Variants in FKBP9 observed in about 807,000 individuals in gnomAD.
FKBP9 encodes peptidyl-prolyl cis-trans isomerase FKBP9.
In FKBP9, 27 loss-of-function variants were observed where a neutral mutation model predicts 55.6. The ratio of observed to expected loss-of-function variants is 0.49; its 90% confidence interval spans 0.36 to 0.67. The LOEUF (loss-of-function observed/expected upper bound fraction) is 0.67. Among genes scored for constraint, FKBP9 ranks in the 30% least tolerant of loss-of-function variants. FKBP9 has a pLI of 0.00. For synonymous variants in FKBP9, 267 were observed against 296.5 expected (o/e 0.90, Z 1.02); for missense variants, 539 against 742.8 (o/e 0.73, Z 3.19).
intron 5 of FKBP9, among the ~76,000 whole-genome samples, chr7:32,983,556 C>G (rs1784524157): frequency 2.0e-5 from 3 of 152,088 alleles, no homozygotes; most frequent in African/African-American, 7.2e-5. Context: ...CTCAAGTCAT[C>G]TGCCCGCCTC....
chr7:32,993,919 G>A (rs570452035), intron 6 of FKBP9, among the ~76,000 whole-genome samples: 3 of 151,932 alleles, frequency 2.0e-5, no homozygotes, highest in Admixed American at 6.6e-5. Context: ...TGATCAGTTC[G>A]TCTGGTGATG....
intron 6 of FKBP9, among the ~76,000 whole-genome samples, chr7:32,991,205 C>T (rs1001187794): frequency 6.6e-6 from 1 of 151,952 alleles, no homozygotes; most frequent in Non-Finnish European, 1.5e-5. Flanking sequence ...TTTTTTTCCT[C>T]TTGGCTTTCT....
At chr7:32,970,060 A>G (rs1784223464) in intron 1 of FKBP9, among the ~76,000 whole-genome samples, 1 of 152,110 alleles carries the variant, frequency 6.6e-6, no homozygotes, top group Non-Finnish European at 1.5e-5. Flanking sequence ...ATTTCTGCAA[A>G]AAATGCCATC....
At chr7:32,965,653 C>T (rs1304077880) in intron 1 of FKBP9, among the ~76,000 whole-genome samples, 2 of 149,706 alleles carry the variant, frequency 1.3e-5, no homozygotes, top group African/African-American at 4.9e-5. Context: ...CAAAAATTAG[C>T]TGGGCGTGGT....
At chr7:32,970,709 G>C (rs1267030672) in intron 1 of FKBP9, among the ~76,000 whole-genome samples, 1 of 127,928 alleles carries the variant, frequency 7.8e-6, no homozygotes, top group Non-Finnish European at 1.6e-5. Context: ...TGCCAAATTT[G>C]TTTATTAGTT....
At chr7:32,969,936 G>A (rs554726931) in intron 1 of FKBP9, among the ~76,000 whole-genome samples, 17 of 152,088 alleles carry the variant, frequency 1.1e-4, no homozygotes, top group African/African-American at 4.1e-4. Flanking sequence ...GGAGGCAGAA[G>A]TTGCAGTGAG....
chr7:32,998,041 GA>G (rs1255631070), intron 7 of FKBP9, among the ~76,000 whole-genome samples: 3 of 152,162 alleles, frequency 2.0e-5, no homozygotes, highest in African/African-American at 4.8e-5. Context: ...GTTAAACTGT[GA>G]AAAAATATGC....
chr7:32,961,405 A>C (rs1487629349), intron 1 of FKBP9, among the ~76,000 whole-genome samples: 1 of 152,190 alleles, frequency 6.6e-6, no homozygotes, highest in Non-Finnish European at 1.5e-5. Context: ...CCGATTCAGT[A>C]GCTCTGGGAT....
At chr7:32,985,400 C>T (rs768204393) in intron 5 of FKBP9, among the ~76,000 whole-genome samples, 4 of 151,718 alleles carry the variant, frequency 2.6e-5, no homozygotes, top group Middle Eastern at 3.4e-3. Flanking sequence ...GGGCTGGTCA[C>T]GAACTCCTGA....
At chr7:32,970,445 C>T (rs1231897540) in intron 1 of FKBP9, among the ~76,000 whole-genome samples, 1 of 152,020 alleles carries the variant, frequency 6.6e-6, no homozygotes, top group Non-Finnish European at 1.5e-5. Context: ...ATCCGCCCGC[C>T]TTGGCCTCCC....
In FKBP9 at chr7:33,005,520, A is replaced by C. The variant is rs1467747889; in HGVS notation, c.*169A>C. 1.4e-6 allele frequency: 1 copy of C among 705,142 alleles called. No individual in the cohort carries two copies. The highest frequency in any genetic ancestry group is 2.8e-5 in the East Asian group (1 of 36,038). 43.7% of individuals were successfully genotyped at this position (705,142 alleles called of 1,614,324 possible). A position where few individuals can be genotyped will look rare whatever the true frequency, so the allele number is the denominator to read the frequency against. On this transcript the variant is annotated 3_prime_UTR_variant, in exon 10 of 10. Coordinates refer to ENST00000242209, the MANE Select transcript of FKBP9 (RefSeq NM_007270.5). Reference sequence around the variant, plus strand: ...TCGGGGTGGGTTGATATATGGGGTGAGAAGTTTGGGCTGATCGCCAGTGAT... The same window carrying C: ...TCGGGGTGGGTTGATATATGGGGTGCGAAGTTTGGGCTGATCGCCAGTGAT...
At chr7:32,985,770 A>C (rs1315135638) in intron 5 of FKBP9, among the ~76,000 whole-genome samples, 3 of 152,110 alleles carry the variant, frequency 2.0e-5, no homozygotes, top group Admixed American at 2.0e-4. Flanking sequence ...AGGCAGGTGG[A>C]TCACTTGAAG....
rs757911744 is a variant in FKBP9 at position 32,975,368 on chromosome 7, C to T, written c.554C>T (p.Ser185Leu). The T allele has an allele frequency of 3.4e-5, 55 of 1,613,232 alleles. No individual in the cohort carries two copies. The highest frequency in any genetic ancestry group is 4.2e-5 in the Non-Finnish European group (49 of 1,179,246). ...TTCCTGGACGGAACTCTGTTTGATT[C>T]GAGGTAAGTCCTGTCGTTCATGGCA... is the stretch of plus-strand genomic sequence containing the variant. ...GTFLDGTLFD[S>L]SHNRMKTYDT... Residue 185 changes from serine to leucine, a missense_variant, in exon 3 of 10, where the codon TCG (serine) becomes TTG (leucine). Physicochemically the swap from Ser to Leu is moderately radical, Grantham distance 145. This residue lies in a region of FKBP9 where 236 missense variants were observed against 271.5 expected (regional missense o/e 0.87). Coordinates refer to ENST00000242209, the MANE Select transcript of FKBP9 (RefSeq NM_007270.5).
chr7:33,005,089 C>T, intron 9 of FKBP9, 86 bp from the exon 10 acceptor site: 1 of 1,531,790 alleles, frequency 6.5e-7, no homozygotes, highest in South Asian at 1.3e-5. Context: ...CCAGCCCTGT[C>T]ACCCCCAGAC....
Position 33,002,654 on chromosome 7 carries a change from CCCG to C in FKBP9, c.1373-20_1373-18del. ...TGCTGCCTGCCGGCTGACACCGCCT[CCCG>C]CTCCTGTCACCTGGACAGATGGAGA... On this transcript the variant is annotated intron_variant, in intron 8 of 9. Transcript: ENST00000242209. 1 of 1,610,506 alleles carries C rather than the reference CCCG, an allele frequency of 6.2e-7. No individual in the cohort carries two copies. The highest frequency in any genetic ancestry group is 1.3e-5 in the African/African-American group (1 of 74,998).
chr7:32,969,944 G>A (rs7793408), intron 1 of FKBP9, among the ~76,000 whole-genome samples: 49,987 of 151,680 alleles, frequency 0.33, 10,119 homozygotes, highest in Non-Finnish European at 0.46. Context: ...AAGTTGCAGT[G>A]AGCCGAGATT....
At chr7:32,998,807 A>G (rs1784867725) in intron 7 of FKBP9, among the ~76,000 whole-genome samples, 1 of 152,122 alleles carries the variant, frequency 6.6e-6, no homozygotes, top group Admixed American at 6.5e-5. Flanking sequence ...GGAAGCATGC[A>G]GGGGGAGTGA....
At chr7:33,004,219 G>A (rs1434088906) in intron 9 of FKBP9, among the ~76,000 whole-genome samples, 6 of 151,832 alleles carry the variant, frequency 4.0e-5, no homozygotes, top group African/African-American at 1.5e-4. Flanking sequence ...TCTCTTTCCC[G>A]GGTCACACAC....
At chr7:32,997,060 C>G (rs1037624222) in intron 7 of FKBP9, among the ~76,000 whole-genome samples, 1 of 152,008 alleles carries the variant, frequency 6.6e-6, no homozygotes, top group Admixed American at 6.5e-5. Context: ...TCCCAAAGTG[C>G]TGGGATTACA....
Sources: gnomAD v4.1 joint callset for allele counts (sites outside exome capture counted in the v4.1 genomes callset) on GRCh38, gnomAD v4.1.1 for gene constraint, gnomAD v4.1.1 regional missense constraint, MANE v1.5 for transcripts, NCBI Gene and HGNC (gene_info 2026-07-23, HGNC 2026-07-21) for gene names.